The following MCPH1 variants were observed in gnomAD, a reference collection of about 807,000 sequenced individuals.
MCPH1 encodes microcephalin 1, also known as microcephalin.
In MCPH1, 104 loss-of-function variants were observed where a neutral mutation model predicts 84.5. The observed-to-expected ratio is 1.23, with a 90% CI of 1.05 to 1.45. The LOEUF (loss-of-function observed/expected upper bound fraction) is 1.45. Ranked by LOEUF, MCPH1 falls within the 40% of genes most tolerant of loss-of-function variation. The pLI, the probability that MCPH1 is intolerant of heterozygous loss-of-function variation, is 0.00. For missense variants in MCPH1, 1,498 were observed against 1,005.7 expected (o/e 1.49, Z -6.62); for synonymous variants, 514 against 366.8 (o/e 1.40, Z -4.58).
intron 12 of MCPH1, among the ~76,000 whole-genome samples, chr8:6,550,416 C>T (rs1343542554): frequency 2.0e-5 from 3 of 152,242 alleles, no homozygotes; most frequent in Admixed American, 1.3e-4. Flanking sequence ...TCTCTACAGC[C>T]GCTTGTTGCC....
chr8:6,626,436 G>C (rs1832081223), intron 13 of MCPH1: 1 of 982,978 alleles, frequency 1.0e-6, no homozygotes, highest in Non-Finnish European at 1.2e-6. Context: ...CATTCAACCA[G>C]AAGGAGAAAT....
chr8:6,497,622 T>C (rs1811390230), intron 11 of MCPH1, among the ~76,000 whole-genome samples: 1 of 152,282 alleles, frequency 6.6e-6, no homozygotes, highest in African/African-American at 2.4e-5. Flanking sequence ...ACTGTGGACT[T>C]TGGGTGATAA....
At chr8:6,500,577 T>G (rs954379240) in intron 12 of MCPH1, 1 of 153,362 alleles carries the variant, frequency 6.5e-6, no homozygotes, top group African/African-American at 2.4e-5. Context: ...GCTGTTTGAG[T>G]AGGCCATATG....
chr8:6,533,661 C>G (rs2959813), intron 12 of MCPH1, among the ~76,000 whole-genome samples: 13,039 of 146,016 alleles, frequency 0.089, 614 homozygotes, highest in African/African-American at 0.13. Context: ...AGTGCACAAA[C>G]CATGTTTTCT....
At chr8:6,613,038 G>A (rs1302395458) in intron 12 of MCPH1, among the ~76,000 whole-genome samples, 1 of 152,256 alleles carries the variant, frequency 6.6e-6, no homozygotes, top group East Asian at 1.9e-4. Flanking sequence ...CCTTGAGAAG[G>A]CGAGAGGCAT....
In MCPH1 at chr8:6,549,159, C is replaced by G. The variant is rs116986477; in HGVS notation, c.2214+49230C>G. Among the ~76,000 whole-genome samples the G allele has an allele frequency of 3.1e-3, 470 of 152,298 alleles. 26 individuals carry two copies. The East Asian group carries it at 0.085, about 28-fold the overall frequency. ...AGATAGCAGTACAAGAAAAATGATACATGGGTTTGTACAGTTGAGTGTTGA... is the reference window on the plus strand; with the variant it reads ...AGATAGCAGTACAAGAAAAATGATAGATGGGTTTGTACAGTTGAGTGTTGA... On this transcript the variant is annotated intron_variant, in intron 12 of 13. Coordinates refer to ENST00000344683, the MANE Select transcript of MCPH1 (RefSeq NM_024596.5).
intron 12 of MCPH1, among the ~76,000 whole-genome samples, chr8:6,606,538 G>A (rs907155149): frequency 5.3e-5 from 8 of 152,162 alleles, no homozygotes; most frequent in Admixed American, 1.3e-4. Context: ...AGTGCCTGTC[G>A]ACCAGGGAGT....
chr8:6,433,952 G>C (rs973986765), intron 4 of MCPH1, among the ~76,000 whole-genome samples: 2 of 152,012 alleles, frequency 1.3e-5, no homozygotes, highest in Non-Finnish European at 2.9e-5. Flanking sequence ...CAGAGCCATT[G>C]CGTTATCTGT....
intron 12 of MCPH1, among the ~76,000 whole-genome samples, chr8:6,530,948 A>G (rs1292526663): frequency 6.6e-6 from 1 of 152,150 alleles, no homozygotes; most frequent in Non-Finnish European, 1.5e-5. Flanking sequence ...TTTTTGCTGA[A>G]GTAGCATTTA....
chr8:6,643,922 G>C lies in MCPH1; in HGVS notation c.*873G>C, dbSNP rs750624368. 1.3e-5 allele frequency: 2 copies of C among 152,176 alleles called. No individual in the cohort carries two copies. Among genetic ancestry groups the C allele is most frequent in the African/African-American group, 2.4e-5 (1 of 41,424 alleles). 9.4% of individuals were successfully genotyped at this position (152,176 alleles called of 1,614,324 possible). A position where few individuals can be genotyped will look rare whatever the true frequency, so the allele number is the denominator to read the frequency against. On this transcript the variant is annotated 3_prime_UTR_variant, in exon 14 of 14. Transcript: ENST00000344683. ...TGGCCGCTTTTTGCCTGCCGTCCTC[G>C]AGATGAAATTGGCAGTTGGGGCTGA...
intron 5 of MCPH1, among the ~76,000 whole-genome samples, chr8:6,437,223 G>C (rs1802781618): frequency 6.6e-6 from 1 of 151,926 alleles, no homozygotes; most frequent in African/African-American, 2.4e-5. Flanking sequence ...AAATAGAATT[G>C]TCGAGATTTA....
At chr8:6,546,797 T>A (rs1822659779) in intron 12 of MCPH1, among the ~76,000 whole-genome samples, 1 of 152,232 alleles carries the variant, frequency 6.6e-6, no homozygotes, top group Non-Finnish European at 1.5e-5. Context: ...AATCCAAGTA[T>A]TGCCTTTAAT....
chr8:6,570,535 C>T (rs1007649799), intron 12 of MCPH1, among the ~76,000 whole-genome samples: 2 of 152,148 alleles, frequency 1.3e-5, no homozygotes, highest in East Asian at 1.9e-4. Context: ...TTAAAGGACG[C>T]GGGCCTCCAC....
intron 12 of MCPH1, among the ~76,000 whole-genome samples, chr8:6,507,032 G>A (rs574071256): frequency 6.6e-6 from 1 of 151,900 alleles, no homozygotes; most frequent in Non-Finnish European, 1.5e-5. Context: ...TGAGTAGCTG[G>A]GATTACAGGC....
At chr8:6,543,343 G>C (rs941703991) in intron 12 of MCPH1, among the ~76,000 whole-genome samples, 1 of 152,142 alleles carries the variant, frequency 6.6e-6, no homozygotes, top group African/African-American at 2.4e-5. Flanking sequence ...ATGGGTGATG[G>C]CTCTCCAACG....
intron 12 of MCPH1, chr8:6,514,769 C>A: frequency 1.9e-6 from 3 of 1,614,030 alleles, no homozygotes; most frequent in Non-Finnish European, 2.5e-6. Context: ...GCTTCCATGT[C>A]ACAGTAGGCC....
At chr8:6,518,177 T>C (rs1250410772) in intron 12 of MCPH1, among the ~76,000 whole-genome samples, 1 of 152,178 alleles carries the variant, frequency 6.6e-6, no homozygotes, top group African/African-American at 2.4e-5. Context: ...GGTTAGCGGC[T>C]GTCCCTCTGC....
chr8:6,446,596 T>C (rs1585824986), intron 8 of MCPH1: 1 of 979,878 alleles, frequency 1.0e-6, no homozygotes, highest in East Asian at 1.1e-4. Flanking sequence ...TTAGTATGTG[T>C]TTTCAAAATA....
rs139433215 is a variant in MCPH1, at chr8:6,424,514, C to T, written c.234-6985C>T. 2.6e-3 allele frequency among the ~76,000 whole-genome samples: 398 copies of T among 152,328 alleles called. 2 individuals carry two copies. Among genetic ancestry groups the T allele is most frequent in the African/African-American group, 9.3e-3 (385 of 41,570 alleles). On this transcript the variant is annotated intron_variant, in intron 3 of 13. Coordinates refer to ENST00000344683, the MANE Select transcript of MCPH1 (RefSeq NM_024596.5). ...TCCTACCAGCAGCCAGCTCCACTTCCCGCCTCCTCAGCCTTCTCACCCTGC... is the reference window on the plus strand; with the variant it reads ...TCCTACCAGCAGCCAGCTCCACTTCTCGCCTCCTCAGCCTTCTCACCCTGC...
Sources: allele counts gnomAD v4.1 joint callset (sites outside exome capture counted in the v4.1 genomes callset), GRCh38; gene constraint gnomAD v4.1.1; transcripts MANE v1.5; gene names NCBI Gene and HGNC (gene_info 2026-07-23, HGNC 2026-07-21).